Variants in MCC observed in about 807,000 individuals in gnomAD.
The protein encoded by MCC is MCC regulator of Wnt signaling pathway, also known as colorectal mutant cancer protein.
In MCC, 90 loss-of-function variants were observed where a neutral mutation model predicts 116.2. The observed-to-expected ratio is 0.77, with a 90% CI of 0.65 to 0.92. MCC has a LOEUF of 0.92. MCC is among the 40% of genes least tolerant of loss of function. The pLI, the probability that MCC is intolerant of heterozygous loss-of-function variation, is 0.00. For synonymous variants in MCC, 578 were observed against 510.5 expected (o/e 1.13, Z -1.78); for missense variants, 1,516 against 1,312.2 (o/e 1.16, Z -2.40).
chr5:113,278,699 G>C (rs999983069), intron 3 of MCC, among the ~76,000 whole-genome samples: 1 of 152,174 alleles, frequency 6.6e-6, no homozygotes, highest in Admixed American at 6.5e-5. Flanking sequence ...TTGGCTGGAG[G>C]ATAGAATGTG....
intron 11 of MCC, among the ~76,000 whole-genome samples, chr5:113,078,766 T>A (rs1204278672): frequency 3.3e-5 from 5 of 152,164 alleles, no homozygotes; most frequent in Non-Finnish European, 7.3e-5. Context: ...GGATGCCCTC[T>A]CTCACCACTC....
In MCC at chr5:113,064,037, C is replaced by T. The variant is rs1753411429; in HGVS notation, c.2160G>A (p.Val720=). The T allele has an allele frequency of 1.2e-6, 2 of 1,613,972 alleles. No individual in the cohort carries two copies. Among genetic ancestry groups the T allele is most frequent in the Admixed American group, 1.7e-5 (1 of 60,010 alleles). ...CCCAGGGCTGCACGCTGCAGCCGGCCACGGCAAAGGCTCCCCCACAGCTGC... is the reference window on the plus strand; with the variant it reads ...CCCAGGGCTGCACGCTGCAGCCGGCTACGGCAAAGGCTCCCCCACAGCTGC... ...LDGSCGGAFA[V]AGCSVQPWES... is the part of the protein sequence containing the mutation. Residue 720 remains valine, a synonymous_variant, in exon 14 of 19, where the codon GTG becomes GTA. Coordinates refer to ENST00000408903, the MANE Select transcript of MCC (RefSeq NM_001085377.2).
At position 113,049,321 on chromosome 5, in the gene MCC, G is replaced by A. The variant is rs574567994; in HGVS notation, c.2449-22C>T. On this transcript the variant is annotated intron_variant, in intron 15 of 18. Transcript: ENST00000408903. ...CCTCCTACAGACAAAGGAGCACAGA[G>A]CACATGAGGCATGCCCTATCTGAGA... The A allele has an allele frequency of 2.6e-6, 4 of 1,539,834 alleles. No individual in the cohort carries two copies. In the South Asian group the frequency reaches 3.6e-5, roughly 14 times the overall value.
At chr5:113,383,651 T>C (rs992014581) in intron 2 of MCC, among the ~76,000 whole-genome samples, 3 of 151,982 alleles carry the variant, frequency 2.0e-5, no homozygotes, top group African/African-American at 7.2e-5. Flanking sequence ...TTTTTCCCCG[T>C]GTTTTTTTAT....
intron 2 of MCC, among the ~76,000 whole-genome samples, chr5:113,357,356 TA>T (rs1768439138): frequency 1.3e-5 from 2 of 152,140 alleles, no homozygotes; most frequent in Non-Finnish European, 2.9e-5. Flanking sequence ...ATTACCAATT[TA>T]AAAATACAAA....
chr5:113,181,255 T>C (rs149676845), intron 3 of MCC, among the ~76,000 whole-genome samples: 1 of 152,332 alleles, frequency 6.6e-6, no homozygotes, highest in African/African-American at 2.4e-5. Context: ...TTTAAGACCA[T>C]TATCAGGCAA....
At chr5:113,117,602 T>G (rs920841454) in intron 6 of MCC, among the ~76,000 whole-genome samples, 2 of 152,232 alleles carry the variant, frequency 1.3e-5, no homozygotes, top group Non-Finnish European at 1.5e-5. Flanking sequence ...AACAGAATGC[T>G]TCACTGGCTG....
At chr5:113,091,065 G>A (rs1360807860) in intron 8 of MCC, among the ~76,000 whole-genome samples, 1 of 152,210 alleles carries the variant, frequency 6.6e-6, no homozygotes, top group East Asian at 1.9e-4. Flanking sequence ...CACGCCTGGA[G>A]CCTCTCTGCT....
intron 3 of MCC, among the ~76,000 whole-genome samples, chr5:113,225,074 A>G (rs1046592463): frequency 5.3e-5 from 8 of 152,186 alleles, no homozygotes; most frequent in Admixed American, 5.2e-4. Context: ...TGTCTGTGTA[A>G]TACTTTATTT....
chr5:113,205,533 G>C (rs746873209), intron 3 of MCC, among the ~76,000 whole-genome samples: 10 of 152,170 alleles, frequency 6.6e-5, no homozygotes, highest in Non-Finnish European at 1.5e-4. Context: ...GTATCTACCA[G>C]GGTCAACAGG....
intron 3 of MCC, among the ~76,000 whole-genome samples, chr5:113,164,367 T>C (rs1237166585): frequency 6.6e-6 from 1 of 152,206 alleles, no homozygotes; most frequent in Admixed American, 6.5e-5. Flanking sequence ...GTTCCACAAG[T>C]AGGATAAAAT....
At chr5:113,050,620 C>A (rs1206376001) in intron 15 of MCC, among the ~76,000 whole-genome samples, 21 of 152,216 alleles carry the variant, frequency 1.4e-4, no homozygotes, top group Admixed American at 1.4e-3. Context: ...ACGCCCAGAG[C>A]CTTCGGATCT....
chr5:113,317,079 A>G, intron 3 of MCC, among the ~76,000 whole-genome samples: 1 of 152,200 alleles, frequency 6.6e-6, no homozygotes, highest in East Asian at 1.9e-4. Context: ...AAAACTGGGG[A>G]CTACCGAAAA....
chr5:113,120,623 G>A (rs945064843), intron 6 of MCC, among the ~76,000 whole-genome samples: 21 of 152,294 alleles, frequency 1.4e-4, no homozygotes, highest in African/African-American at 5.1e-4. Context: ...CAGGCCCTGT[G>A]ATAATCTCTG....
intron 6 of MCC, among the ~76,000 whole-genome samples, chr5:113,111,369 C>G (rs11241192): frequency 6.6e-6 from 1 of 151,740 alleles, no homozygotes; most frequent in Non-Finnish European, 1.5e-5. Context: ...TGTATCTAAA[C>G]AGTCCCAGTC....
chr5:113,413,131 A>T (rs1355246148), intron 1 of MCC, among the ~76,000 whole-genome samples: 4 of 152,128 alleles, frequency 2.6e-5, no homozygotes, highest in Non-Finnish European at 5.9e-5. Flanking sequence ...CCACTTGATC[A>T]TGGTGGATAA....
chr5:113,371,612 A>C (rs1240713156), intron 2 of MCC, among the ~76,000 whole-genome samples: 2 of 152,230 alleles, frequency 1.3e-5, no homozygotes, highest in Non-Finnish European at 2.9e-5. Context: ...TAGGAGAAAA[A>C]TGTTTTTCTT....
At chr5:113,439,652 C>G (rs937562799) in intron 1 of MCC, among the ~76,000 whole-genome samples, 1 of 152,092 alleles carries the variant, frequency 6.6e-6, no homozygotes, top group African/African-American at 2.4e-5. Flanking sequence ...AAATCCTAGC[C>G]TGTGGTGGTT....
At chr5:113,254,740 TGG>T (rs1764943145) in intron 3 of MCC, among the ~76,000 whole-genome samples, 1 of 152,066 alleles carries the variant, frequency 6.6e-6, no homozygotes, top group African/African-American at 2.4e-5. Context: ...TTTGAGGGAG[TGG>T]TATTGGAGCC....
Sources: gnomAD v4.1 joint callset for allele counts (sites outside exome capture counted in the v4.1 genomes callset) on GRCh38, gnomAD v4.1.1 for gene constraint, MANE v1.5 for transcripts, NCBI Gene and HGNC (gene_info 2026-07-23, HGNC 2026-07-21) for gene names.